Variants in B4GALT5 observed in about 807,000 individuals in gnomAD.
The protein encoded by B4GALT5 is UDP-Gal:beta-GlcNAc beta-1,4-galactosyltransferase 5.
B4GALT5 carries 11 observed loss-of-function variants against 45.0 expected under a neutral mutation model. That is an observed-to-expected ratio of 0.24 (90% CI 0.15 to 0.40). The LOEUF (loss-of-function observed/expected upper bound fraction) is 0.40. B4GALT5 is among the 10% of genes least tolerant of loss of function. B4GALT5 has a pLI of 1.00. For missense variants in B4GALT5, 337 were observed against 500.2 expected, an observed-to-expected ratio of 0.67 and a Z score of 3.11; for synonymous variants, 185 against 182.9, an observed-to-expected ratio of 1.01 and a Z score of -0.09.
intron 1 of B4GALT5, among the ~76,000 whole-genome samples, chr20:49,671,432 G>A (rs1026523116): frequency 5.3e-5 from 8 of 152,082 alleles, no homozygotes; most frequent in Non-Finnish European, 1.2e-4. Context: ...TTTACGCTAG[G>A]AGCAGTAATA....
rs1320182480 is a variant in B4GALT5 at position 49,636,135 on chromosome 20, G to A, written c.*177C>T. On this transcript the variant is annotated 3_prime_UTR_variant, in exon 9 of 9. Transcript: ENST00000371711. ...GCTCACTCCCTCAGTTCCAGCGGCT[G>A]ATCCAGTGAAGGCGTTTGTGCGTGT... 26 of 768,870 alleles carry A rather than the reference G, an allele frequency of 3.4e-5. No homozygotes were observed. Among genetic ancestry groups the A allele is most frequent in the Non-Finnish European group, 4.1e-6 (2 of 489,588 alleles). 47.6% of individuals were successfully genotyped at this position (768,870 alleles called of 1,614,324 possible).
intron 3 of B4GALT5, among the ~76,000 whole-genome samples, chr20:49,644,931 A>C (rs1021131697): frequency 8.5e-5 from 13 of 152,198 alleles, no homozygotes; most frequent in Non-Finnish European, 1.8e-4. Context: ...TTAAAAAAAA[A>C]CAATTTTAAA....
At chr20:49,698,194 G>A (rs1429588694) in intron 1 of B4GALT5, among the ~76,000 whole-genome samples, 1 of 151,990 alleles carries the variant, frequency 6.6e-6, no homozygotes, top group Non-Finnish European at 1.5e-5. Flanking sequence ...ATGGTGGCAC[G>A]CACCTGTAAT....
chr20:49,676,110 C>A (rs1420113967), intron 1 of B4GALT5, among the ~76,000 whole-genome samples: 3 of 151,190 alleles, frequency 2.0e-5, no homozygotes, highest in Non-Finnish European at 4.4e-5. Flanking sequence ...ACCGATGGGC[C>A]AACTGACAAA....
At chr20:49,676,334 T>C (rs973004883) in intron 1 of B4GALT5, among the ~76,000 whole-genome samples, 41 of 152,278 alleles carry the variant, frequency 2.7e-4, no homozygotes, top group African/African-American at 9.4e-4. Flanking sequence ...ACAGAAAGAC[T>C]TTCTTGAAGG....
Position 49,639,805 on chromosome 20 carries a change from G to A in B4GALT5, c.795-5C>T, listed in dbSNP as rs1361140163. ...AAGAACTCGGTATAAGGAAGCCTAG[G>A]AGGAGATGTGGGACATCAATCATCT... On this transcript the variant is annotated splice_region_variant and splice_polypyrimidine_tract_variant and intron_variant, in intron 6 of 8. Coordinates refer to ENST00000371711, the MANE Select transcript of B4GALT5 (RefSeq NM_004776.4). 4 of 1,612,262 alleles carry A rather than the reference G, an allele frequency of 2.5e-6. No individual in the cohort carries two copies. The highest frequency in any genetic ancestry group is 4.5e-5 in the East Asian group (2 of 44,764).
chr20:49,712,787 G>A (rs1349025005), intron 1 of B4GALT5, among the ~76,000 whole-genome samples: 1 of 151,040 alleles, frequency 6.6e-6, no homozygotes, highest in Non-Finnish European at 1.5e-5. Context: ...TGAAAGTCTG[G>A]GGGGCTGGGG....
At chr20:49,707,805 G>A (rs1169948937) in intron 1 of B4GALT5, among the ~76,000 whole-genome samples, 1 of 151,792 alleles carries the variant, frequency 6.6e-6, no homozygotes, top group East Asian at 1.9e-4. Context: ...GTAGAGACGA[G>A]GTTTCACTAT....
intron 1 of B4GALT5, among the ~76,000 whole-genome samples, chr20:49,658,678 C>T (rs2085652978): frequency 6.6e-6 from 1 of 152,138 alleles, no homozygotes; most frequent in South Asian, 2.1e-4. Context: ...GGCAGTCATT[C>T]TCTAATGTTT....
chr20:49,645,843 C>T (rs928755297), intron 3 of B4GALT5, among the ~76,000 whole-genome samples: 3 of 151,808 alleles, frequency 2.0e-5, no homozygotes, highest in Non-Finnish European at 4.4e-5. Context: ...ATTTATTATA[C>T]TATATTTTTA....
chr20:49,674,816 C>T lies in B4GALT5; in HGVS notation c.116-18114G>A, dbSNP rs6012710. 4.2e-3 allele frequency among the ~76,000 whole-genome samples: 643 copies of T among 152,268 alleles called. 6 individuals carry two copies. Among genetic ancestry groups the T allele is most frequent in the African/African-American group, 0.015 (616 of 41,542 alleles). On this transcript the variant is annotated intron_variant, in intron 1 of 8. Coordinates refer to ENST00000371711, the MANE Select transcript of B4GALT5 (RefSeq NM_004776.4). The stretch of plus-strand genomic sequence containing the variant: ...CCTCCTGTTGTCTCTCAATGGCTTT[C>T]CACCACTTTCAAGGTCCAAATTCCT...
At chr20:49,698,353 C>T (rs995359751) in intron 1 of B4GALT5, among the ~76,000 whole-genome samples, 1 of 151,908 alleles carries the variant, frequency 6.6e-6, no homozygotes, top group African/African-American at 2.4e-5. Flanking sequence ...AAGAAAATTT[C>T]CATAATAAAA....
At chr20:49,665,980 A>G (rs2085688856) in intron 1 of B4GALT5, among the ~76,000 whole-genome samples, 1 of 152,092 alleles carries the variant, frequency 6.6e-6, no homozygotes, top group Admixed American at 6.6e-5. Flanking sequence ...AAAGGGCTTC[A>G]CGCACTATAC....
At chr20:49,675,727 T>C (rs2085734644) in intron 1 of B4GALT5, among the ~76,000 whole-genome samples, 1 of 152,222 alleles carries the variant, frequency 6.6e-6, no homozygotes, top group Non-Finnish European at 1.5e-5. Flanking sequence ...ATTTTTAGTC[T>C]CTTCTCACCT....
At position 49,636,158 on chromosome 20, in the gene B4GALT5, T is replaced by C; in HGVS notation, c.*154A>G. On this transcript the variant is annotated 3_prime_UTR_variant, in exon 9 of 9. Transcript: ENST00000371711. ...CTGATCCAGTGAAGGCGTTTGTGCG[T>C]GTGCTGTCACATTTTCCCCCTGAAC... 4 of 992,296 alleles carry C rather than the reference T, an allele frequency of 4.0e-6. No individual in the cohort carries two copies. The highest frequency in any genetic ancestry group is 4.4e-6 in the Non-Finnish European group (3 of 679,658). The allele number at this position is 992,296 out of a possible 1,614,324, so 61.5% of individuals were successfully genotyped here. A position where few individuals can be genotyped will look rare whatever the true frequency, so the allele number is the denominator to read the frequency against.
intron 1 of B4GALT5, among the ~76,000 whole-genome samples, chr20:49,664,919 G>A (rs1224904808): frequency 6.6e-6 from 1 of 152,032 alleles, no homozygotes; most frequent in East Asian, 1.9e-4. Flanking sequence ...CAGGTGTAGA[G>A]CATATATTTA....
rs897182461 is a variant in B4GALT5, at chr20:49,633,398, T to C, written c.*2914A>G. 1.4e-5 allele frequency: 2 copies of C among 147,232 alleles called. No individual in the cohort carries two copies. Among genetic ancestry groups the C allele is most frequent in the Non-Finnish European group, 3.0e-5 (2 of 67,510 alleles). 9.1% of individuals were successfully genotyped at this position (147,232 alleles called of 1,614,324 possible). ...GCCACCCATCAGTAGCCTTGAAGAT[T>C]TTCAGCTACCAATATATGCACAAGG... On this transcript the variant is annotated 3_prime_UTR_variant, in exon 9 of 9. Transcript: ENST00000371711.
At position 49,698,406 on chromosome 20, in the gene B4GALT5, C is replaced by T. The variant is rs186467858; in HGVS notation, c.115+15170G>A. On this transcript the variant is annotated intron_variant, in intron 1 of 8. Transcript: ENST00000371711. ...AAACTGCTTTGAACATAAAGCCAAC[C>T]CAAAAAGTAGCTCTTACCTAAAGTG... Among the ~76,000 whole-genome samples the T allele has an allele frequency of 1.4e-3, 206 of 152,048 alleles. 1 individual carries two copies. The highest frequency in any genetic ancestry group is 2.6e-3 in the Admixed American group (40 of 15,236).
intron 5 of B4GALT5, among the ~76,000 whole-genome samples, chr20:49,641,975 C>CT (rs1175962895): frequency 6.6e-6 from 1 of 152,018 alleles, no homozygotes; most frequent in Non-Finnish European, 1.5e-5. Context: ...GCCATGCGGT[C>CT]TTCTTCAGTT....
Sources: gnomAD v4.1 joint callset for allele counts (sites outside exome capture counted in the v4.1 genomes callset) on GRCh38, gnomAD v4.1.1 for gene constraint, MANE v1.5 for transcripts, NCBI Gene and HGNC (gene_info 2026-07-23, HGNC 2026-07-21) for gene names.